Variants in ADAMTS12 observed in about 807,000 individuals in gnomAD.
ADAMTS12 encodes A disintegrin and metalloproteinase with thrombospondin motifs 12.
Under a neutral mutation model 167.8 loss-of-function variants are expected in ADAMTS12, and 118 were observed. The observed-to-expected ratio is 0.70, with a 90% CI of 0.61 to 0.82. The LOEUF (loss-of-function observed/expected upper bound fraction) is 0.82, where lower values mean the gene tolerates loss of function less well. Among genes scored for constraint, ADAMTS12 ranks in the 40% least tolerant of loss-of-function variants. ADAMTS12 has a pLI of 0.00. For missense variants in ADAMTS12, 1,916 were observed against 1,998.8 expected, an observed-to-expected ratio of 0.96 and a Z score of 0.79; for synonymous variants, 704 against 716.9, an observed-to-expected ratio of 0.98 and a Z score of 0.29.
intron 16 of ADAMTS12, among the ~76,000 whole-genome samples, chr5:33,603,124 A>T (rs1009764341): frequency 3.3e-5 from 5 of 152,234 alleles, no homozygotes; most frequent in African/African-American, 1.2e-4. Flanking sequence ...GGCAAAGGTC[A>T]CGTTCAGAAG....
In ADAMTS12 at chr5:33,683,998, T is replaced by C. The variant is rs200137220; in HGVS notation, c.692A>G (p.Asn231Ser). 9 of 1,610,604 alleles carry C rather than the reference T, an allele frequency of 5.6e-6. No individual in the cohort carries two copies. The highest frequency in any genetic ancestry group is 3.4e-5 in the Admixed American group (2 of 59,696). The change falls in exon 4 of 24, where the codon AAC (asparagine) becomes AGC (serine). Residue 231 changes from asparagine to serine, a missense_variant. Physicochemically the swap from Asn to Ser is conservative, Grantham distance 46. Transcript: ENST00000504830. ...ELWREKWERH[N>S]LPSRSLSRRS... ...CCGAGAGAGGCTTCTGCTTGGCAAG[T>C]TGTGCCTCTCCCACTTCTCCCGCCA...
intron 3 of ADAMTS12, among the ~76,000 whole-genome samples, chr5:33,702,089 A>G (rs1743025431): frequency 6.6e-6 from 1 of 152,202 alleles, no homozygotes; most frequent in South Asian, 2.1e-4. Context: ...ACCGAAGGAG[A>G]GTGTTACTAA....
chr5:33,615,773 G>A lies in ADAMTS12; in HGVS notation c.2388+55C>T, dbSNP rs556363015. 64 of 1,597,216 alleles carry A rather than the reference G, an allele frequency of 4.0e-5. No homozygotes were observed. In the African/African-American group the frequency reaches 8.1e-4, roughly 20 times the overall value. Reference sequence around the variant, plus strand: ...CCCTAGCAAGTACCTTGGGGAAAAAGGAGAAGTATTCTAACTAGCACACAT... The same window carrying A: ...CCCTAGCAAGTACCTTGGGGAAAAAAGAGAAGTATTCTAACTAGCACACAT... On this transcript the variant is annotated intron_variant, in intron 15 of 23. Transcript: ENST00000504830.
At chr5:33,629,537 A>G (rs1739820205) in intron 13 of ADAMTS12, among the ~76,000 whole-genome samples, 1 of 152,180 alleles carries the variant, frequency 6.6e-6, no homozygotes, top group Admixed American at 6.6e-5. Context: ...TAGCCAGGGA[A>G]GGCTAGGAAG....
chr5:33,757,236 C>T (rs1561254907), intron 2 of ADAMTS12, among the ~76,000 whole-genome samples: 1 of 152,138 alleles, frequency 6.6e-6, no homozygotes, highest in Admixed American at 6.5e-5. Flanking sequence ...ACATCAGGAG[C>T]CAGATTGGGA....
intron 2 of ADAMTS12, among the ~76,000 whole-genome samples, chr5:33,835,567 A>G (rs1748475328): frequency 6.6e-6 from 1 of 152,196 alleles, no homozygotes; most frequent in African/African-American, 2.4e-5. Context: ...TAGGTGGTAC[A>G]TTCTTGCTGT....
At chr5:33,530,086 A>T (rs1442575859) in intron 23 of ADAMTS12, among the ~76,000 whole-genome samples, 3 of 149,574 alleles carry the variant, frequency 2.0e-5, no homozygotes, top group Non-Finnish European at 3.0e-5. Flanking sequence ...TGCCCAGCTA[A>T]TTTTTTTTTT....
chr5:33,702,621 T>C (rs1294173138), intron 3 of ADAMTS12, among the ~76,000 whole-genome samples: 2 of 152,214 alleles, frequency 1.3e-5, no homozygotes, highest in African/African-American at 2.4e-5. Flanking sequence ...CAAATGGCAC[T>C]ATATCTATTT....
chr5:33,559,117 CCTGTCTGTCT>C (rs1232329755), intron 20 of ADAMTS12, among the ~76,000 whole-genome samples: 3 of 152,122 alleles, frequency 2.0e-5, no homozygotes, highest in African/African-American at 7.2e-5. Flanking sequence ...ACCTCTGGGT[CCTGTCTGTCT>C]GGGGACATGA....
chr5:33,710,797 C>G (rs1473122472), intron 3 of ADAMTS12, among the ~76,000 whole-genome samples: 1 of 152,076 alleles, frequency 6.6e-6, no homozygotes, highest in Non-Finnish European at 1.5e-5. Context: ...TGACGAAAAG[C>G]CTATGTGCAG....
chr5:33,636,205 C>T (rs546744291), intron 12 of ADAMTS12, among the ~76,000 whole-genome samples: 11 of 152,170 alleles, frequency 7.2e-5, no homozygotes, highest in Non-Finnish European at 1.5e-4. Context: ...GGATCCCGTA[C>T]TAAGCACATG....
chr5:33,671,397 T>G (rs1170808289), intron 5 of ADAMTS12, among the ~76,000 whole-genome samples: 1 of 152,166 alleles, frequency 6.6e-6, no homozygotes, highest in African/African-American at 2.4e-5. Context: ...GTACTAAGAT[T>G]ACACAAGATG....
At chr5:33,570,955 G>T (rs1401594625) in intron 19 of ADAMTS12, among the ~76,000 whole-genome samples, 1 of 151,318 alleles carries the variant, frequency 6.6e-6, no homozygotes, top group African/African-American at 2.4e-5. Context: ...CCTAGTCTCT[G>T]ATAAAACAGA....
intron 7 of ADAMTS12, among the ~76,000 whole-genome samples, chr5:33,656,454 G>T (rs186864412): frequency 5.9e-5 from 9 of 152,242 alleles, no homozygotes; most frequent in Admixed American, 3.3e-4. Context: ...GTCCATGATT[G>T]CCTCAAAAAT....
intron 18 of ADAMTS12, among the ~76,000 whole-genome samples, chr5:33,586,313 G>A (rs1747348981): frequency 6.6e-6 from 1 of 152,206 alleles, no homozygotes; most frequent in South Asian, 2.1e-4. Context: ...GCAGATAGAA[G>A]AAAGGAAGAC....
chr5:33,710,237 G>A (rs1390412069), intron 3 of ADAMTS12, among the ~76,000 whole-genome samples: 3 of 152,258 alleles, frequency 2.0e-5, no homozygotes, highest in Admixed American at 6.5e-5. Flanking sequence ...CTCCAGCAAC[G>A]TGTTAGTGTT....
At chr5:33,628,653 A>T (rs1371537914) in intron 13 of ADAMTS12, among the ~76,000 whole-genome samples, 1 of 152,234 alleles carries the variant, frequency 6.6e-6, no homozygotes, top group Admixed American at 6.5e-5. Flanking sequence ...ATATACTTTT[A>T]TGTAATACAT....
intron 17 of ADAMTS12, among the ~76,000 whole-genome samples, 156 bp from the exon 18 acceptor site, chr5:33,588,965 C>A (rs778758658): frequency 1.2e-4 from 19 of 152,156 alleles, no homozygotes; most frequent in Non-Finnish European, 2.1e-4. Flanking sequence ...GACAGGGCCA[C>A]CGTGTCTTCA....
chr5:33,739,408 T>A (rs1294719036), intron 3 of ADAMTS12, among the ~76,000 whole-genome samples: 1 of 152,200 alleles, frequency 6.6e-6, no homozygotes, highest in Non-Finnish European at 1.5e-5. Context: ...TTGACACTAC[T>A]CAAATGCATG....
Sources: allele counts gnomAD v4.1 joint callset (sites outside exome capture counted in the v4.1 genomes callset), GRCh38; gene constraint gnomAD v4.1.1; transcripts MANE v1.5; gene names NCBI Gene and HGNC (gene_info 2026-07-23, HGNC 2026-07-21).